PPP1R3B: variants seen among roughly 807,000 people sequenced by gnomAD.
PPP1R3B encodes protein phosphatase 1 regulatory subunit 3B, also known as PP1 subunit R4.
Under a neutral mutation model 14.6 loss-of-function variants are expected in PPP1R3B, and 8 were observed. The observed-to-expected ratio is 0.55, with a 90% CI of 0.32 to 0.99. PPP1R3B has a LOEUF of 0.99. Among genes scored for constraint, PPP1R3B ranks in the 50% least tolerant of loss-of-function variants. The probability of loss-of-function intolerance (pLI) is 0.04; values close to 1 mark genes in which losing one functional copy is unlikely to be tolerated. For missense variants in PPP1R3B, 452 were observed against 360.1 expected (o/e 1.26, Z -2.07); for synonymous variants, 169 against 142.0 (o/e 1.19, Z -1.35).
At position 9,141,196 on chromosome 8, in the gene PPP1R3B, C is replaced by G. The variant is rs762721500; in HGVS notation, c.456G>C (p.Gln152His). ...TCACGGTCTTCTCAAATGCGAGGTT[C>G]TGAACCTTCACAGTGCCTGCAATGG... ...DKAIAGTVKV[Q>H]NLAFEKTVKI... The change falls in exon 2 of 2, where the codon CAG becomes CAC. Residue 152 changes from glutamine (Q) to histidine (H), a missense_variant. Coordinates refer to ENST00000310455, the MANE Select transcript of PPP1R3B (RefSeq NM_024607.4). 31 of 1,614,098 alleles carry G rather than the reference C, an allele frequency of 1.9e-5. No individual in the cohort carries two copies. In the Middle Eastern group the frequency reaches 6.6e-4, roughly 34 times the overall value.
chr8:9,151,109 G>T (rs1008800167), upstream of PPP1R3B, among the ~76,000 whole-genome samples: 43 of 152,160 alleles, frequency 2.8e-4, no homozygotes, highest in African/African-American at 1.0e-3. Context: ...GCCCAGCAGC[G>T]CGGTGGAGCA....
At chr8:9,144,888 G>A (rs1801190590) in intron 1 of PPP1R3B, among the ~76,000 whole-genome samples, 1 of 152,066 alleles carries the variant, frequency 6.6e-6, no homozygotes, top group Non-Finnish European at 1.5e-5. Context: ...TGGGATTACA[G>A]GAGTCTGCCA....
chr8:9,150,010 G>A (rs1231160989), intron 1 of PPP1R3B, among the ~76,000 whole-genome samples: 1 of 152,210 alleles, frequency 6.6e-6, no homozygotes, highest in Non-Finnish European at 1.5e-5. Context: ...GACATTGTAT[G>A]TTGCGACCCA....
At chr8:9,141,697 A>G in intron 1 of PPP1R3B, 29 bp from the exon 2 acceptor site, 1 of 1,586,028 alleles carries the variant, frequency 6.3e-7, no homozygotes, top group South Asian at 1.1e-5. Context: ...AAGAGAAGAA[A>G]GAAAACAGTG....
At chr8:9,149,208 A>AAAAAAT (rs1280289297) in intron 1 of PPP1R3B, among the ~76,000 whole-genome samples, 57 of 136,594 alleles carry the variant, frequency 4.2e-4, no homozygotes, top group African/African-American at 1.5e-3. Flanking sequence ...AAAAAAAAAA[A>AAAAAAT]GGCAAAAAAA....
Position 9,140,619 on chromosome 8 carries a change from T to G in PPP1R3B, c.*175A>C. 1.4e-6 allele frequency: 1 copy of G among 698,066 alleles called. No individual in the cohort carries two copies. Among genetic ancestry groups the G allele is most frequent in the East Asian group, 2.7e-5 (1 of 36,706 alleles). The allele number at this position is 698,066 out of a possible 1,614,324, so 43.2% of individuals were successfully genotyped here. ...TGAGTGAGACACTGGTTGTGTAATCTGAACCTGGCTGGATTTGCTGTTTAA... is the reference window on the plus strand; with the variant it reads ...TGAGTGAGACACTGGTTGTGTAATCGGAACCTGGCTGGATTTGCTGTTTAA... On this transcript the variant is annotated 3_prime_UTR_variant, in exon 2 of 2. Coordinates refer to ENST00000310455, the MANE Select transcript of PPP1R3B (RefSeq NM_024607.4).
chr8:9,146,443 A>G (rs1409012050), intron 1 of PPP1R3B, among the ~76,000 whole-genome samples: 4 of 152,186 alleles, frequency 2.6e-5, no homozygotes, highest in Non-Finnish European at 5.9e-5. Flanking sequence ...CCACTGGTTC[A>G]GTTCTATAAA....
chr8:9,143,918 T>A (rs1801161424), intron 1 of PPP1R3B, among the ~76,000 whole-genome samples: 1 of 152,044 alleles, frequency 6.6e-6, no homozygotes, highest in Non-Finnish European at 1.5e-5. Flanking sequence ...AGACAAACTG[T>A]GAAAATATTT....
rs2117588735 is a variant in PPP1R3B at position 9,137,851 on chromosome 8, A to T, written c.*2943T>A. 1 of 152,314 alleles carries T rather than the reference A, an allele frequency of 6.6e-6. No individual in the cohort carries two copies. The highest frequency in any genetic ancestry group is 2.1e-4 in the South Asian group (1 of 4,830). 9.4% of individuals were successfully genotyped at this position (152,314 alleles called of 1,614,324 possible). ...CCAGGTGTGCTGGCTGGGGGCTTGC[A>T]TCCAGCACCCCCAGCAAAAAAAGCC... On this transcript the variant is annotated 3_prime_UTR_variant, in exon 2 of 2. Coordinates refer to ENST00000310455, the MANE Select transcript of PPP1R3B (RefSeq NM_024607.4).
chr8:9,144,294 C>T (rs563368271), intron 1 of PPP1R3B, among the ~76,000 whole-genome samples: 12 of 150,714 alleles, frequency 8.0e-5, no homozygotes, highest in South Asian at 2.1e-4. Flanking sequence ...CTCAAGCGGT[C>T]CTCCCACCTC....
At chr8:9,146,189 G>C (rs1801235457) in intron 1 of PPP1R3B, among the ~76,000 whole-genome samples, 1 of 152,168 alleles carries the variant, frequency 6.6e-6, no homozygotes, top group African/African-American at 2.4e-5. Context: ...TGATTTGACA[G>C]TTTCAATGGA....
rs1800948194 is a variant in PPP1R3B at position 9,138,053 on chromosome 8, CAG to C, written c.*2739_*2740del. On this transcript the variant is annotated 3_prime_UTR_variant, in exon 2 of 2. Coordinates refer to ENST00000310455, the MANE Select transcript of PPP1R3B (RefSeq NM_024607.4). ...TCACTTCAGGCCTTTTTCTTATGAA[CAG>C]AGTGATCCTTAGTCGGGTAACATGT... 6.6e-6 allele frequency: 1 copy of C among 152,142 alleles called. No homozygotes were observed. The highest frequency in any genetic ancestry group is 6.5e-5 in the Admixed American group (1 of 15,276). 9.4% of individuals were successfully genotyped at this position (152,142 alleles called of 1,614,324 possible). A position where few individuals can be genotyped will look rare whatever the true frequency, so the allele number is the denominator to read the frequency against.
chr8:9,149,150 G>C (rs1585345987), intron 1 of PPP1R3B, among the ~76,000 whole-genome samples: 1 of 132,608 alleles, frequency 7.5e-6, no homozygotes, highest in Admixed American at 8.1e-5. Flanking sequence ...CCGAGATGGC[G>C]CCACTGCAGT....
rs330918 is a variant in PPP1R3B, at chr8:9,139,697, C to G, written c.*1097G>C. On this transcript the variant is annotated 3_prime_UTR_variant, in exon 2 of 2. Coordinates refer to ENST00000310455, the MANE Select transcript of PPP1R3B (RefSeq NM_024607.4). ...CCAAGTAGCTGGGACTACAGGCGCC[C>G]GCCACCACGCCTGGCTAATTTTTTT... is the stretch of plus-strand genomic sequence containing the variant. The G allele has an allele frequency of 0.31, 46,569 of 151,902 alleles. 8,401 individuals are homozygous for G. Among genetic ancestry groups the G allele is most frequent in the East Asian group, 0.78 (3,975 of 5,116 alleles). The allele number at this position is 151,902 out of a possible 1,614,324, so 9.4% of individuals were successfully genotyped here.
rs999398558 is a variant in PPP1R3B, at chr8:9,140,623, C to G, written c.*171G>C. The G allele has an allele frequency of 9.9e-6, 7 of 709,180 alleles. No homozygotes were observed. In the African/African-American group the frequency reaches 1.2e-4, roughly 13 times the overall value. 43.9% of individuals were successfully genotyped at this position (709,180 alleles called of 1,614,324 possible). A position where few individuals can be genotyped will look rare whatever the true frequency, so the allele number is the denominator to read the frequency against. The stretch of plus-strand genomic sequence containing the variant: ...TGAGACACTGGTTGTGTAATCTGAA[C>G]CTGGCTGGATTTGCTGTTTAAGAAA... On this transcript the variant is annotated 3_prime_UTR_variant, in exon 2 of 2. Transcript: ENST00000310455.
chr8:9,149,783 T>C (rs139586067), intron 1 of PPP1R3B, among the ~76,000 whole-genome samples: 3 of 152,290 alleles, frequency 2.0e-5, no homozygotes, highest in African/African-American at 7.2e-5. Context: ...CTTGATCCTG[T>C]CCCCATCATC....
In PPP1R3B at chr8:9,136,457, T is replaced by A. The variant is rs748309450; in HGVS notation, c.*4337A>T. ...TAAAATGAAGATGAGTCCTTGGTTC[T>A]ACATTCACACTGAAGTAATAGTGAA... On this transcript the variant is annotated 3_prime_UTR_variant, in exon 2 of 2. Transcript: ENST00000310455. 4.6e-5 allele frequency: 7 copies of A among 152,250 alleles called. No individual in the cohort carries two copies. Among genetic ancestry groups the A allele is most frequent in the Non-Finnish European group, 8.8e-5 (6 of 68,036 alleles). The allele number at this position is 152,250 out of a possible 1,614,324, so 9.4% of individuals were successfully genotyped here.
At position 9,140,628 on chromosome 8, in the gene PPP1R3B, C is replaced by A; in HGVS notation, c.*166G>T. 1.4e-6 allele frequency: 1 copy of A among 719,214 alleles called. No individual in the cohort carries two copies. 44.6% of individuals were successfully genotyped at this position (719,214 alleles called of 1,614,324 possible). ...CACTGGTTGTGTAATCTGAACCTGG[C>A]TGGATTTGCTGTTTAAGAAAGAAGT... On this transcript the variant is annotated 3_prime_UTR_variant, in exon 2 of 2. Transcript: ENST00000310455.
At chr8:9,145,721 G>C (rs2117613746) in intron 1 of PPP1R3B, among the ~76,000 whole-genome samples, 1 of 152,276 alleles carries the variant, frequency 6.6e-6, no homozygotes, top group South Asian at 2.1e-4. Context: ...TAGGTGACAA[G>C]ATTTCAGGAA....
Sources: gnomAD v4.1 joint callset for allele counts (sites outside exome capture counted in the v4.1 genomes callset) on GRCh38, gnomAD v4.1.1 for gene constraint, MANE v1.5 for transcripts, NCBI Gene and HGNC (gene_info 2026-07-23, HGNC 2026-07-21) for gene names.